The following TTC29 variants were observed in gnomAD, a reference collection of about 807,000 sequenced individuals.
TTC29 encodes tetratricopeptide repeat protein 29.
Under a neutral mutation model 58.1 loss-of-function variants are expected in TTC29, and 49 were observed. That is an observed-to-expected ratio of 0.84 (90% CI 0.67 to 1.07). TTC29 has a LOEUF of 1.07. TTC29 is among the 50% of genes least tolerant of loss of function. The pLI is 0.00. For missense variants in TTC29, 582 were observed against 555.6 expected (o/e 1.05, Z -0.48); for synonymous variants, 209 against 196.8 (o/e 1.06, Z -0.52).
intron 5 of TTC29, among the ~76,000 whole-genome samples, chr4:146,906,275 T>C (rs1203059477): frequency 1.3e-5 from 2 of 152,236 alleles, no homozygotes; most frequent in South Asian, 2.1e-4. Context: ...GCAAGTGTTT[T>C]ATAAAGTAAT....
chr4:146,858,555 C>A (rs1421431052), intron 8 of TTC29, among the ~76,000 whole-genome samples: 1 of 152,094 alleles, frequency 6.6e-6, no homozygotes, highest in Non-Finnish European at 1.5e-5. Context: ...TTTGAGAATA[C>A]CGTAGGTCTA....
chr4:146,916,760 G>A (rs1579978527), intron 4 of TTC29, among the ~76,000 whole-genome samples: 1 of 151,300 alleles, frequency 6.6e-6, no homozygotes, highest in East Asian at 1.9e-4. Context: ...TAATTGATAT[G>A]CAAATAAGTT....
At chr4:146,850,945 G>A (rs17609942) in intron 8 of TTC29, among the ~76,000 whole-genome samples, 9,777 of 152,120 alleles carry the variant, frequency 0.064, 408 homozygotes, top group Admixed American at 0.13. Flanking sequence ...CATTACAACA[G>A]TAAGGACCAA....
intron 11 of TTC29, among the ~76,000 whole-genome samples, chr4:146,728,069 C>T (rs1476778899): frequency 1.3e-5 from 2 of 151,982 alleles, no homozygotes; most frequent in African/African-American, 4.8e-5. Context: ...GGTGGGTCAC[C>T]TGAGGTTAGG....
chr4:146,745,423 A>C (rs944377056), intron 11 of TTC29, among the ~76,000 whole-genome samples: 22 of 152,328 alleles, frequency 1.4e-4, no homozygotes, highest in African/African-American at 5.3e-4. Flanking sequence ...CTTCAGATTG[A>C]TTAGCCATGG....
At chr4:146,747,494 A>G (rs911029049) in intron 11 of TTC29, among the ~76,000 whole-genome samples, 1 of 152,152 alleles carries the variant, frequency 6.6e-6, no homozygotes. Context: ...CACCCTCCAC[A>G]TAGGGTAAAG....
chr4:146,785,542 C>T (rs1027683183), intron 11 of TTC29, among the ~76,000 whole-genome samples: 13 of 152,162 alleles, frequency 8.5e-5, no homozygotes, highest in African/African-American at 3.1e-4. Flanking sequence ...AGATGGAGGA[C>T]AGCTTTTAAA....
chr4:146,896,366 C>T lies in TTC29; in HGVS notation c.586+7178G>A, dbSNP rs556977226. On this transcript the variant is annotated intron_variant, in intron 6 of 12. Coordinates refer to ENST00000325106, the MANE Select transcript of TTC29 (RefSeq NM_031956.4). Reference sequence around the variant, plus strand: ...ACTTTGTAGACTCTACTTCTTTTTACCTTCTGGCATTTATTGTTGCAAAGG... The same window carrying T: ...ACTTTGTAGACTCTACTTCTTTTTATCTTCTGGCATTTATTGTTGCAAAGG... Among the ~76,000 whole-genome samples the T allele has an allele frequency of 2.0e-5, 3 of 152,208 alleles. No homozygotes were observed. The South Asian group carries it at 6.2e-4, about 32-fold the overall frequency.
At position 146,819,867 on chromosome 4, in the gene TTC29, T is replaced by C. The variant is rs548855698; in HGVS notation, c.1101+258A>G. 2.6e-5 allele frequency among the ~76,000 whole-genome samples: 4 copies of C among 152,278 alleles called. No individual in the cohort carries two copies. In the South Asian group the frequency reaches 6.2e-4, roughly 24 times the overall value. On this transcript the variant is annotated intron_variant, in intron 10 of 12. Coordinates refer to ENST00000325106, the MANE Select transcript of TTC29 (RefSeq NM_031956.4). ...TGTGTCACTTAGAATCCTCACTGGATGTGAATCTATGAATCAGGGTTAGCA... is the reference window on the plus strand; with the variant it reads ...TGTGTCACTTAGAATCCTCACTGGACGTGAATCTATGAATCAGGGTTAGCA...
rs184600619 is a variant in TTC29 at position 146,824,073 on chromosome 4, C to T, written c.978-3825G>A. On this transcript the variant is annotated intron_variant, in intron 9 of 12. Transcript: ENST00000325106. ...CAGAGACAATTTCACTTCCTCTCTT[C>T]CTCTTTGAATACCCTTTATTTCTTT... Among the ~76,000 whole-genome samples, 691 of 152,274 alleles carry T rather than the reference C, an allele frequency of 4.5e-3. 3 individuals carry two copies. The highest frequency in any genetic ancestry group is 7.3e-3 in the Non-Finnish European group (499 of 68,016).
intron 11 of TTC29, among the ~76,000 whole-genome samples, chr4:146,799,480 A>ACAT (rs1230574035): frequency 1.3e-5 from 2 of 152,184 alleles, no homozygotes; most frequent in African/African-American, 4.8e-5. Context: ...CATTAAGCCA[A>ACAT]CATAAACCAA....
In TTC29 at chr4:146,833,910, G is replaced by A. The variant is rs1159823213; in HGVS notation, c.886-13C>T. Reference sequence around the variant, plus strand: ...AAGTGTCAAGGACCTATCAGGAAGAGAAATACATATTGAACATATAGCACA... The same window carrying A: ...AAGTGTCAAGGACCTATCAGGAAGAAAAATACATATTGAACATATAGCACA... On this transcript the variant is annotated splice_polypyrimidine_tract_variant and intron_variant, in intron 8 of 12. Coordinates refer to ENST00000325106, the MANE Select transcript of TTC29 (RefSeq NM_031956.4). 1.9e-6 allele frequency: 3 copies of A among 1,583,742 alleles called. No individual in the cohort carries two copies. Among genetic ancestry groups the A allele is most frequent in the Admixed American group, 3.4e-5 (2 of 59,598 alleles).
chr4:146,862,335 A>G (rs887675097), intron 8 of TTC29, among the ~76,000 whole-genome samples: 7 of 151,674 alleles, frequency 4.6e-5, no homozygotes, highest in African/African-American at 1.7e-4. Flanking sequence ...TTCTAATAGA[A>G]ATATTGTAAG....
At chr4:146,809,058 A>T (rs1056036068) in intron 10 of TTC29, among the ~76,000 whole-genome samples, 1 of 149,736 alleles carries the variant, frequency 6.7e-6, no homozygotes, top group Non-Finnish European at 1.5e-5. Flanking sequence ...AATGGAAAAG[A>T]ACAGAGTCTT....
intron 4 of TTC29, among the ~76,000 whole-genome samples, chr4:146,919,169 A>G (rs995101329): frequency 6.6e-6 from 1 of 151,102 alleles, no homozygotes; most frequent in Non-Finnish European, 1.5e-5. Context: ...TTAAAGGAGA[A>G]TTTTTCAGGG....
intron 10 of TTC29, among the ~76,000 whole-genome samples, chr4:146,814,878 A>C (rs1192422610): frequency 6.6e-6 from 1 of 152,176 alleles, no homozygotes; most frequent in Non-Finnish European, 1.5e-5. Context: ...TTTCATGTAG[A>C]GCATTCCAGC....
intron 11 of TTC29, among the ~76,000 whole-genome samples, chr4:146,771,821 T>TGAGGAA (rs1747756939): frequency 6.6e-6 from 1 of 151,088 alleles, no homozygotes; most frequent in Non-Finnish European, 1.5e-5. Context: ...TTTAAATTCT[T>TGAGGAA]TGCCCTGCCT....
chr4:146,863,777 C>T (rs1215867433), intron 8 of TTC29, among the ~76,000 whole-genome samples: 2 of 152,098 alleles, frequency 1.3e-5, no homozygotes, highest in Non-Finnish European at 2.9e-5. Context: ...TAGATTCAGA[C>T]GGGGTCTGAA....
intron 11 of TTC29, among the ~76,000 whole-genome samples, chr4:146,794,887 A>G (rs934227971): frequency 6.6e-6 from 1 of 152,106 alleles, no homozygotes. Flanking sequence ...AATTCAGAGA[A>G]ATCAGACTTA....
Sources: gnomAD v4.1 joint callset for allele counts (sites outside exome capture counted in the v4.1 genomes callset) on GRCh38, gnomAD v4.1.1 for gene constraint, MANE v1.5 for transcripts, NCBI Gene and HGNC (gene_info 2026-07-23, HGNC 2026-07-21) for gene names.